Variants in MSH6 observed in about 807,000 individuals in gnomAD.
MSH6 encodes mutS homolog 6, also known as DNA mismatch repair protein Msh6.
A neutral mutation model predicts 119.1 loss-of-function variants in MSH6; 85 were observed. That is an observed-to-expected ratio of 0.71 (90% CI 0.60 to 0.85). The LOEUF is 0.85. MSH6 is among the 40% of genes least tolerant of loss of function. MSH6 has a pLI of 0.00. For synonymous variants in MSH6, 830 were observed against 586.9 expected (o/e 1.41, Z -5.99); for missense variants, 2,163 against 1,655.3 (o/e 1.31, Z -5.32).
intron 2 of MSH6, 76 bp from the exon 3 acceptor site, chr2:47,795,817 TG>T: frequency 7.9e-7 from 1 of 1,266,722 alleles, no homozygotes; most frequent in Non-Finnish European, 1.1e-6. Context: ...TTGCCCAGGC[TG>T]GTCTTGAACT....
rs1423874192 is a variant in MSH6 at position 47,799,247 on chromosome 2, G to C, written c.1264G>C (p.Asp422His). Residue 422 changes from aspartate to histidine, a missense_variant, in exon 4 of 10, where the codon GAT (aspartate) becomes CAT (histidine). By Grantham distance (81) the Asp-to-His change is moderately conservative. Transcript: ENST00000234420. ...GTGGCAGATTAAGTCTCAGAACTTT[G>C]ATCTTGTCATCTGTTACAAGGTGGG... ...KWWQIKSQNF[D>H]LVICYKVGKF... 6.2e-7 allele frequency: 1 copy of C among 1,614,078 alleles called. No homozygotes were observed. The highest frequency in any genetic ancestry group is 1.6e-4 in the Middle Eastern group (1 of 6,062).
Position 47,796,035 on chromosome 2 carries a change from C to T in MSH6, c.599C>T (p.Ser200Leu), listed in dbSNP as rs63751077. ...GAATTGGCAGTTTGTGATGAGCCCT[C>T]AGAGCCAGAAGAGGAAGAAGAGATG... Reference protein sequence around the residue: ...RLELAVCDEPSEPEEEEEMEV... With the variant: ...RLELAVCDEPLEPEEEEEMEV... The change falls in exon 3 of 10, where the codon TCA (serine) becomes TTA (leucine). Residue 200 changes from serine (S) to leucine (L), a missense_variant. Coordinates refer to ENST00000234420, the MANE Select transcript of MSH6 (RefSeq NM_000179.3). 1 of 1,613,830 alleles carries T rather than the reference C, an allele frequency of 6.2e-7. No homozygotes were observed. The highest frequency in any genetic ancestry group is 8.5e-7 in the Non-Finnish European group (1 of 1,180,020).
chr2:47,809,221 C>G, downstream of MSH6: 1 of 1,607,004 alleles, frequency 6.2e-7, no homozygotes, highest in Non-Finnish European at 8.5e-7. Context: ...TTGGCCTCTA[C>G]TAACAGCCTT....
In MSH6 at chr2:47,787,591, A is replaced by T. The variant is rs574312640; in HGVS notation, c.261-3336A>T. ...GCTTTAAAAGCACTTGCAAAATCCT[A>T]AAATCATAATTTAAGGTGTTTTTGG... On this transcript the variant is annotated intron_variant, in intron 1 of 9. Coordinates refer to ENST00000234420, the MANE Select transcript of MSH6 (RefSeq NM_000179.3). 1.1e-4 allele frequency among the ~76,000 whole-genome samples: 17 copies of T among 152,254 alleles called. 1 individual carries two copies. Among genetic ancestry groups the T allele is most frequent in the African/African-American group, 4.1e-4 (17 of 41,520 alleles).
chr2:47,809,143 A>G, downstream of MSH6: 3 of 1,450,802 alleles, frequency 2.1e-6, no homozygotes, highest in Non-Finnish European at 2.9e-6. Flanking sequence ...GGACTCAAAT[A>G]TATTTCTAAG....
chr2:47,809,723 C>G, downstream of MSH6: 1 of 1,544,766 alleles, frequency 6.5e-7, no homozygotes, highest in Non-Finnish European at 8.9e-7. Context: ...GTAAAATTTA[C>G]AAACAAGTAG....
At chr2:47,786,966 A>G (rs1260506247) in intron 1 of MSH6, among the ~76,000 whole-genome samples, 1 of 152,076 alleles carries the variant, frequency 6.6e-6, no homozygotes, top group African/African-American at 2.4e-5. Context: ...CAAATTATTG[A>G]TTATAATGTG....
Position 47,806,622 on chromosome 2 carries a change from G to A in MSH6, c.3972G>A (p.Glu1324=), listed in dbSNP as rs587779938. ...GACATAGAAAAGCAAGAGAATTTGA[G>A]AAGATGAATCAGTCACTACGATTAT... ...QKGHRKAREF[E]KMNQSLRLFR... Residue 1324 remains glutamate (E), a synonymous_variant, in exon 9 of 10, where the codon GAG becomes GAA. Coordinates refer to ENST00000234420, the MANE Select transcript of MSH6 (RefSeq NM_000179.3). The A allele has an allele frequency of 6.2e-7, 1 of 1,612,144 alleles. No individual in the cohort carries two copies.
intron 1 of MSH6, among the ~76,000 whole-genome samples, chr2:47,788,646 T>G (rs1179187174): frequency 6.8e-6 from 1 of 146,246 alleles, no homozygotes; most frequent in Non-Finnish European, 1.5e-5. Flanking sequence ...CTGGGCTCAC[T>G]GCAACCTCCA....
In MSH6 at chr2:47,803,681, G is replaced by A. The variant is rs1553331777; in HGVS notation, c.3434G>A (p.Arg1145Lys). 1.2e-6 allele frequency: 2 copies of A among 1,614,182 alleles called. No individual in the cohort carries two copies. Among genetic ancestry groups the A allele is most frequent in the Non-Finnish European group, 1.7e-6 (2 of 1,180,034 alleles). Reference protein sequence around the residue: ...PNMGGKSTLMRQAGLLAVMAQ... With the variant: ...PNMGGKSTLMKQAGLLAVMAQ... The stretch of plus-strand genomic sequence containing the variant: ...ATGGGGGGCAAGTCTACGCTTATGA[G>A]ACAGGTAACTGATTCTTAAAGTTTT... Residue 1145 changes from arginine (R) to lysine (K), a missense_variant, in exon 5 of 10, where the codon AGA becomes AAA. By Grantham distance (26) the Arg-to-Lys change is conservative (BLOSUM62 2). Coordinates refer to ENST00000234420, the MANE Select transcript of MSH6 (RefSeq NM_000179.3).
At chr2:47,786,164 A>G (rs376592570) in intron 1 of MSH6, among the ~76,000 whole-genome samples, 93 of 152,254 alleles carry the variant, frequency 6.1e-4, no homozygotes, top group African/African-American at 2.1e-3. Flanking sequence ...TTATAGTGAG[A>G]GTGGGAAGCT....
rs786203816 is a variant in MSH6, at chr2:47,806,273, T to C, written c.3716T>C (p.Ile1239Thr). The change falls in exon 8 of 10, where the codon ATA becomes ACA. Residue 1239 changes from isoleucine (I) to threonine (T), a missense_variant. Coordinates refer to ENST00000234420, the MANE Select transcript of MSH6 (RefSeq NM_000179.3). ...GTTGTTAAAGAACTTGCTGAGACTA[T>C]AAAATGTCGTACATTATTTTCAACT... Reference protein sequence around the residue: ...NAVVKELAETIKCRTLFSTHY... With the variant: ...NAVVKELAETTKCRTLFSTHY... 10 of 1,613,944 alleles carry C rather than the reference T, an allele frequency of 6.2e-6. No individual in the cohort carries two copies. The highest frequency in any genetic ancestry group is 1.1e-5 in the South Asian group (1 of 91,088).
intron 5 of MSH6, among the ~76,000 whole-genome samples, chr2:47,804,117 G>A (rs907187656): frequency 6.6e-6 from 1 of 151,870 alleles, no homozygotes; most frequent in Non-Finnish European, 1.5e-5. Flanking sequence ...TGCTCTTTAG[G>A]GATGACATGC....
chr2:47,808,536 A>C, downstream of MSH6: 3 of 855,460 alleles, frequency 3.5e-6, no homozygotes, highest in Non-Finnish European at 5.2e-6. Context: ...ACCAAAACAA[A>C]ATTCTTTGTG....
At chr2:47,806,419 G>A (rs1670080377) in intron 8 of MSH6, 33 bp from the exon 9 acceptor site, 3 of 1,613,638 alleles carry the variant, frequency 1.9e-6, no homozygotes, top group South Asian at 2.2e-5. Context: ...TCTCTTGCTA[G>A]CACATGTATC....
chr2:47,783,911 G>A (rs1322029770), intron 1 of MSH6: 1 of 1,013,404 alleles, frequency 9.9e-7, no homozygotes, highest in Non-Finnish European at 1.2e-6. Context: ...GGCGGGGGGC[G>A]GGGTGGCGGG....
chr2:47,795,877 AATAC>A lies in MSH6; in HGVS notation c.458-14_458-11del, dbSNP rs1256966115. 5 of 1,612,292 alleles carry A rather than the reference AATAC, an allele frequency of 3.1e-6. No homozygotes were observed. The highest frequency in any genetic ancestry group is 4.2e-6 in the Non-Finnish European group (5 of 1,178,836). On this transcript the variant is annotated splice_polypyrimidine_tract_variant and intron_variant, in intron 2 of 9. Coordinates refer to ENST00000234420, the MANE Select transcript of MSH6 (RefSeq NM_000179.3). Reference sequence around the variant, plus strand: ...CTGCACCCGGCCCTTATTGTTTATAAATACATTTCTTTCTAGGTTCAAAATCAAA... The same window carrying A: ...CTGCACCCGGCCCTTATTGTTTATAAATTTCTTTCTAGGTTCAAAATCAAA...
At chr2:47,785,165 A>G (rs1668274010) in intron 1 of MSH6, among the ~76,000 whole-genome samples, 1 of 151,086 alleles carries the variant, frequency 6.6e-6, no homozygotes, top group Non-Finnish European at 1.5e-5. Flanking sequence ...CGCTATTTGA[A>G]CAAACGAAGA....
chr2:47,805,767 C>T (rs908861886), intron 7 of MSH6, 60 bp downstream of exon 7: 4 of 1,249,970 alleles, frequency 3.2e-6, no homozygotes, highest in Non-Finnish European at 4.7e-6. Context: ...GTACAAATAA[C>T]TATTTTTATA....
Sources: allele counts gnomAD v4.1 joint callset (sites outside exome capture counted in the v4.1 genomes callset), GRCh38; gene constraint gnomAD v4.1.1; transcripts MANE v1.5; gene names NCBI Gene and HGNC (gene_info 2026-07-23, HGNC 2026-07-21).